PPM1L: variants seen among roughly 807,000 people sequenced by gnomAD.
PPM1L encodes protein phosphatase, Mg2+/Mn2+ dependent 1L.
Under a neutral mutation model 31.4 loss-of-function variants are expected in PPM1L, and 13 were observed. That is an observed-to-expected ratio of 0.41 (90% CI 0.27 to 0.66). The LOEUF (loss-of-function observed/expected upper bound fraction) is 0.66, where lower values mean the gene tolerates loss of function less well. PPM1L is among the 30% of genes least tolerant of loss of function. The pLI is 0.29. For synonymous variants in PPM1L, 184 were observed against 175.4 expected (o/e 1.05, Z -0.39); for missense variants, 326 against 453.7 (o/e 0.72, Z 2.56).
At chr3:161,026,594 G>C (rs1027145012) in intron 2 of PPM1L, among the ~76,000 whole-genome samples, 11 of 152,094 alleles carry the variant, frequency 7.2e-5, no homozygotes, top group African/African-American at 2.2e-4. Context: ...TGCTCAGGAG[G>C]CTGAGGCAGG....
chr3:160,803,825 T>G (rs1299850528), intron 1 of PPM1L, among the ~76,000 whole-genome samples: 2 of 152,268 alleles, frequency 1.3e-5, no homozygotes, highest in Non-Finnish European at 2.9e-5. Flanking sequence ...CTCCTGTGTT[T>G]AGACATCTTT....
At chr3:160,859,178 A>T (rs910280124) in intron 1 of PPM1L, among the ~76,000 whole-genome samples, 3 of 152,166 alleles carry the variant, frequency 2.0e-5, no homozygotes, top group African/African-American at 7.2e-5. Flanking sequence ...GCCTATATGG[A>T]GGAAAGCAGA....
At chr3:161,034,786 G>A (rs942854292) in intron 2 of PPM1L, among the ~76,000 whole-genome samples, 1 of 151,738 alleles carries the variant, frequency 6.6e-6, no homozygotes, top group Non-Finnish European at 1.5e-5. Flanking sequence ...AACCACCATG[G>A]CACGTGTATA....
chr3:161,017,554 G>A (rs1718121157), intron 2 of PPM1L, among the ~76,000 whole-genome samples: 1 of 152,126 alleles, frequency 6.6e-6, no homozygotes, highest in Non-Finnish European at 1.5e-5. Flanking sequence ...GCCAACCTCA[G>A]AAGTAAGTGC....
intron 2 of PPM1L, among the ~76,000 whole-genome samples, chr3:160,992,005 G>T (rs1307125638): frequency 3.3e-5 from 5 of 152,170 alleles, no homozygotes; most frequent in African/African-American, 9.7e-5. Context: ...TAAGATGTAA[G>T]TATTATTATT....
intron 1 of PPM1L, among the ~76,000 whole-genome samples, chr3:160,793,394 G>A (rs1458613961): frequency 6.6e-6 from 1 of 152,176 alleles, no homozygotes; most frequent in African/African-American, 2.4e-5. Context: ...TTCACTGTTG[G>A]TGAGAGGGAC....
intron 1 of PPM1L, among the ~76,000 whole-genome samples, chr3:160,938,467 T>C (rs1446334856): frequency 6.6e-6 from 1 of 152,226 alleles, no homozygotes; most frequent in Non-Finnish European, 1.5e-5. Flanking sequence ...ATTAGGAGCC[T>C]GTGAACTATT....
chr3:160,808,398 T>TGTGTGCGCGCGCGC (rs1553808347), intron 1 of PPM1L, among the ~76,000 whole-genome samples: 1 of 148,740 alleles, frequency 6.7e-6, no homozygotes, highest in African/African-American at 2.5e-5. Context: ...TGTGTGTGTG[T>TGTGTGCGCGCGCGC]GTGTGTGTGT....
intron 2 of PPM1L, among the ~76,000 whole-genome samples, chr3:161,044,165 G>C (rs1360737766): frequency 6.6e-6 from 1 of 151,804 alleles, no homozygotes; most frequent in Non-Finnish European, 1.5e-5. Flanking sequence ...TCAGCCTCCC[G>C]AGTAGCTGGG....
In PPM1L at chr3:160,881,582, A is replaced by G. The variant is rs544181114; in HGVS notation, c.400-80154A>G. Among the ~76,000 whole-genome samples the G allele has an allele frequency of 1.1e-3, 172 of 152,264 alleles. 4 individuals carry two copies. In the South Asian group the frequency reaches 0.022, roughly 19 times the overall value. On this transcript the variant is annotated intron_variant, in intron 1 of 3. Coordinates refer to ENST00000498165, the MANE Select transcript of PPM1L (RefSeq NM_139245.4). The stretch of plus-strand genomic sequence containing the variant: ...TGACTCCAGTTTTCGTTATTTTAGC[A>G]CTAGACTTTTAATGATTTCAGAATT...
At chr3:161,037,478 G>A (rs1447077384) in intron 2 of PPM1L, among the ~76,000 whole-genome samples, 4 of 140,580 alleles carry the variant, frequency 2.8e-5, no homozygotes, top group East Asian at 2.2e-4. Flanking sequence ...GCAATGGTAC[G>A]ATCTCAGCTC....
intron 1 of PPM1L, among the ~76,000 whole-genome samples, chr3:160,948,050 C>T (rs1715464401): frequency 6.6e-6 from 1 of 152,200 alleles, no homozygotes; most frequent in Middle Eastern, 3.4e-3. Context: ...AACCATTTAT[C>T]TCTAGCACCT....
chr3:161,020,217 T>TA (rs1718203511), intron 2 of PPM1L, among the ~76,000 whole-genome samples: 1 of 151,984 alleles, frequency 6.6e-6, no homozygotes, highest in East Asian at 1.9e-4. Flanking sequence ...CATTTCAAAA[T>TA]ATTTGAACAT....
chr3:160,786,175 GTGTGTGTGTGTGTA>G (rs1185296362), intron 1 of PPM1L, among the ~76,000 whole-genome samples: 1 of 70,288 alleles, frequency 1.4e-5, no homozygotes, highest in Non-Finnish European at 2.3e-5. Context: ...GTGTGTGTGT[GTGTGTGTGTGTGTA>G]TATATATATA....
At chr3:160,808,450 A>G (rs1712707258) in intron 1 of PPM1L, among the ~76,000 whole-genome samples, 2 of 146,974 alleles carry the variant, frequency 1.4e-5, no homozygotes, top group South Asian at 4.3e-4. Context: ...GGGCTTCATA[A>G]GAGCTGCAGT....
At chr3:160,902,099 T>G (rs1713564266) in intron 1 of PPM1L, among the ~76,000 whole-genome samples, 1 of 152,148 alleles carries the variant, frequency 6.6e-6, no homozygotes, top group South Asian at 2.1e-4. Flanking sequence ...AAAATGTGCT[T>G]GGCTCTGTTC....
At chr3:160,797,998 T>G (rs1712310715) in intron 1 of PPM1L, among the ~76,000 whole-genome samples, 1 of 152,034 alleles carries the variant, frequency 6.6e-6, no homozygotes, top group Non-Finnish European at 1.5e-5. Flanking sequence ...GCCAACATGG[T>G]GAAACCCCGT....
intron 1 of PPM1L, among the ~76,000 whole-genome samples, chr3:160,827,447 TTGTGTGTGTG>T (rs59524935): frequency 0.015 from 2,129 of 141,442 alleles, 46 homozygotes; most frequent in East Asian, 0.046. Flanking sequence ...TGATATAAGT[TTGTGTGTGTG>T]TGTGTGTGTG....
chr3:161,018,578 A>G (rs1297918119), intron 2 of PPM1L, among the ~76,000 whole-genome samples: 2 of 152,190 alleles, frequency 1.3e-5, no homozygotes, highest in Non-Finnish European at 2.9e-5. Context: ...AAATGGAATC[A>G]TATCTCTTTA....
Sources: allele counts gnomAD v4.1 joint callset (sites outside exome capture counted in the v4.1 genomes callset), GRCh38; gene constraint gnomAD v4.1.1; transcripts MANE v1.5; gene names NCBI Gene and HGNC (gene_info 2026-07-23, HGNC 2026-07-21).